POU6F2: variants seen among roughly 807,000 people sequenced by gnomAD.
The protein encoded by POU6F2 is POU domain, class 6, transcription factor 2.
A neutral mutation model predicts 71.3 loss-of-function variants in POU6F2; 31 were observed. The ratio of observed to expected loss-of-function variants is 0.43; its 90% CI spans 0.33 to 0.59. POU6F2 has a LOEUF of 0.59. POU6F2 is among the 20% of genes least tolerant of loss of function. The pLI is 0.04. For synonymous variants in POU6F2, 347 were observed against 355.7 expected, an observed-to-expected ratio of 0.98 and a Z score of 0.27; for missense variants, 783 against 856.8, an observed-to-expected ratio of 0.91 and a Z score of 1.07.
intron 9 of POU6F2, among the ~76,000 whole-genome samples, chr7:39,463,154 G>A (rs184550651): frequency 7.2e-5 from 11 of 152,286 alleles, no homozygotes; most frequent in Admixed American, 6.5e-4. Context: ...ACAAACAAAC[G>A]AATAAAAGGA....
At chr7:39,029,491 GGA>G (rs66970609) in intron 1 of POU6F2, among the ~76,000 whole-genome samples, 32,369 of 150,934 alleles carry the variant, frequency 0.21, 3,627 homozygotes, top group South Asian at 0.37. Context: ...AACATTTCTG[GGA>G]GGGGGGGGTG....
chr7:39,180,525 G>A (rs1793415653), intron 2 of POU6F2, among the ~76,000 whole-genome samples: 1 of 152,142 alleles, frequency 6.6e-6, no homozygotes, highest in South Asian at 2.1e-4. Context: ...TGCTCCCAGG[G>A]ATTAGCTTGT....
chr7:39,291,724 C>T (rs12701716), intron 4 of POU6F2, among the ~76,000 whole-genome samples: 69,886 of 151,854 alleles, frequency 0.46, 16,874 homozygotes, highest in Admixed American at 0.59. Context: ...TCATTAATAC[C>T]GGATGGCAGA....
At chr7:39,300,782 T>G (rs1394971369) in intron 4 of POU6F2, among the ~76,000 whole-genome samples, 1 of 152,108 alleles carries the variant, frequency 6.6e-6, no homozygotes, top group South Asian at 2.1e-4. Context: ...GAGCCCACCC[T>G]AAGGACCTGA....
intron 2 of POU6F2, among the ~76,000 whole-genome samples, chr7:39,140,361 T>C (rs972613718): frequency 1.3e-5 from 2 of 151,818 alleles, no homozygotes; most frequent in African/African-American, 2.4e-5. Context: ...CATAGGGGAG[T>C]GCATTAGTTT....
chr7:39,068,530 A>C (rs904457300), intron 1 of POU6F2, among the ~76,000 whole-genome samples: 2 of 145,760 alleles, frequency 1.4e-5, no homozygotes, highest in African/African-American at 5.4e-5. Flanking sequence ...GTCTACAGTA[A>C]GTTCCATAAT....
intron 1 of POU6F2, among the ~76,000 whole-genome samples, chr7:39,029,291 G>A (rs1207451761): frequency 6.6e-6 from 1 of 152,006 alleles, no homozygotes; most frequent in Admixed American, 6.6e-5. Flanking sequence ...TTTCTATGAA[G>A]ATAATTATGT....
At chr7:39,328,518 T>A (rs1436971306) in intron 4 of POU6F2, among the ~76,000 whole-genome samples, 1 of 152,190 alleles carries the variant, frequency 6.6e-6, no homozygotes, top group Admixed American at 6.5e-5. Flanking sequence ...GATCTCAGCC[T>A]ATGGCAAGAA....
intron 6 of POU6F2, among the ~76,000 whole-genome samples, chr7:39,416,233 C>CCAGA: frequency 6.6e-6 from 1 of 151,658 alleles, no homozygotes; most frequent in Admixed American, 6.6e-5. Context: ...ATCAAAGAAA[C>CCAGA]CAGACAGGTA....
intron 2 of POU6F2, among the ~76,000 whole-genome samples, chr7:39,092,970 G>A (rs1418428629): frequency 5.9e-5 from 9 of 151,946 alleles, no homozygotes; most frequent in African/African-American, 1.9e-4. Flanking sequence ...CCCCAAGATC[G>A]CTTCTTAATA....
At chr7:39,273,693 A>T (rs1562772157) in intron 4 of POU6F2, among the ~76,000 whole-genome samples, 2 of 150,898 alleles carry the variant, frequency 1.3e-5, no homozygotes, top group African/African-American at 2.4e-5. Flanking sequence ...TTTTTTTTTT[A>T]AAGAGTATCA....
chr7:39,056,124 A>G (rs1239585871), intron 1 of POU6F2, among the ~76,000 whole-genome samples: 4 of 152,110 alleles, frequency 2.6e-5, no homozygotes, highest in Non-Finnish European at 5.9e-5. Flanking sequence ...CCCATATAAA[A>G]TATGAATACA....
At chr7:39,133,832 C>A (rs1401132085) in intron 2 of POU6F2, among the ~76,000 whole-genome samples, 1 of 152,178 alleles carries the variant, frequency 6.6e-6, no homozygotes, top group Admixed American at 6.5e-5. Flanking sequence ...GGGGCTGGAA[C>A]ATAGTAGAAA....
At chr7:39,349,165 C>T (rs1467621433) in intron 5 of POU6F2, among the ~76,000 whole-genome samples, 2 of 152,188 alleles carry the variant, frequency 1.3e-5, no homozygotes, top group Non-Finnish European at 2.9e-5. Context: ...GAAGGAAAAA[C>T]TTAAAACTAA....
chr7:39,342,184 A>G (rs1248856609), intron 5 of POU6F2, among the ~76,000 whole-genome samples: 2 of 72,722 alleles, frequency 2.8e-5, no homozygotes, highest in African/African-American at 1.1e-4. Context: ...ATTACTGAGA[A>G]GATGTTAAAC....
In POU6F2 at chr7:39,014,051, C is replaced by G. The variant is rs1789406402; in HGVS notation, c.105+35993C>G. ...GGCTTATAATAAGCTTTTACTGGCT[C>G]ATGTGTGAAGCTTAGCCTACTATAG... On this transcript the variant is annotated intron_variant, in intron 1 of 9. Transcript: ENST00000518318. 2.0e-5 allele frequency among the ~76,000 whole-genome samples: 3 copies of G among 152,246 alleles called. No individual in the cohort carries two copies. The South Asian group carries it at 6.2e-4, about 32-fold the overall frequency.
intron 4 of POU6F2, among the ~76,000 whole-genome samples, chr7:39,230,203 G>A: frequency 6.6e-6 from 1 of 152,208 alleles, no homozygotes. Flanking sequence ...AGGTAGGCCA[G>A]GCATGGTGGC....
intron 2 of POU6F2, among the ~76,000 whole-genome samples, 182 bp from the exon 3 acceptor site, chr7:39,204,053 A>G (rs574702261): frequency 7.2e-5 from 11 of 152,066 alleles, no homozygotes; most frequent in Non-Finnish European, 1.2e-4. Flanking sequence ...CTATTCTTCT[A>G]CCTCTTGATG....
intron 4 of POU6F2, among the ~76,000 whole-genome samples, chr7:39,258,180 CTG>C (rs1316730579): frequency 2.0e-5 from 3 of 152,260 alleles, no homozygotes; most frequent in East Asian, 1.9e-4. Context: ...TTGGTTATGA[CTG>C]TAACTCACAA....
Sources: gnomAD v4.1 joint callset for allele counts (sites outside exome capture counted in the v4.1 genomes callset) on GRCh38, gnomAD v4.1.1 for gene constraint, MANE v1.5 for transcripts, NCBI Gene and HGNC (gene_info 2026-07-23, HGNC 2026-07-21) for gene names.